The following NEDD9 variants were observed in gnomAD, a reference collection of about 807,000 sequenced individuals.
The protein encoded by NEDD9 is enhancer of filamentation 1.
NEDD9 carries 26 observed loss-of-function variants against 76.6 expected under a neutral mutation model. That is an observed-to-expected ratio of 0.34 (90% confidence interval 0.25 to 0.47). The LOEUF (loss-of-function observed/expected upper bound fraction) is 0.47, where lower values mean the gene tolerates loss of function less well. Among genes scored for constraint, NEDD9 ranks in the 20% least tolerant of loss-of-function variants. The pLI, the probability that NEDD9 is intolerant of heterozygous loss-of-function variation, is 1.00. For synonymous variants in NEDD9, 392 were observed against 414.2 expected (o/e 0.95, Z 0.65); for missense variants, 937 against 1,058.5 (o/e 0.89, Z 1.59).
chr6:11,281,794 C>T (rs1028888313), intron 3 of NEDD9, among the ~76,000 whole-genome samples: 1 of 152,172 alleles, frequency 6.6e-6, no homozygotes, highest in Non-Finnish European at 1.5e-5. Context: ...CGCTCTGTCA[C>T]CCAGGCTGGG....
intron 1 of NEDD9, among the ~76,000 whole-genome samples, chr6:11,337,356 TA>T (rs1453729885): frequency 1.3e-5 from 2 of 152,186 alleles, no homozygotes. Context: ...TATACTATAG[TA>T]AAAACAAACT....
rs2113568456 is a variant in NEDD9, at chr6:11,370,405, G to A, written c.-214+11734C>T. Among the ~76,000 whole-genome samples the A allele has an allele frequency of 6.6e-6, 1 of 152,270 alleles. No individual in the cohort carries two copies. The highest frequency in any genetic ancestry group is 1.9e-4 in the East Asian group (1 of 5,180). On this transcript the variant is annotated intron_variant, in intron 1 of 3. Transcript: ENST00000397378. The surrounding 1 kb of genome is among the most constrained non-coding windows in gnomAD (Gnocchi z 4.2). ...TCCAAATTTGCTTTCCTGAGGAAAAGTCTGCCTTTGCCTACAGCACGCACA... is the reference window on the plus strand; with the variant it reads ...TCCAAATTTGCTTTCCTGAGGAAAAATCTGCCTTTGCCTACAGCACGCACA...
Position 11,229,335 on chromosome 6 carries a change from A to C in NEDD9, c.12+3169T>G, listed in dbSNP as rs374735135. Reference sequence around the variant, plus strand: ...CAAAGCCACAAAAGCGTCTCTGCTCAGCCATTAGCAGCCAGGCCAAGGGGC... The same window carrying C: ...CAAAGCCACAAAAGCGTCTCTGCTCCGCCATTAGCAGCCAGGCCAAGGGGC... On this transcript the variant is annotated intron_variant, in intron 1 of 6. Coordinates refer to ENST00000379446, the MANE Select transcript of NEDD9 (RefSeq NM_006403.4). Among the ~76,000 whole-genome samples the C allele has an allele frequency of 1.0e-3, 157 of 152,366 alleles. 3 individuals carry two copies. The South Asian group carries it at 0.03, about 30-fold the overall frequency.
intron 1 of NEDD9, among the ~76,000 whole-genome samples, chr6:11,359,563 C>G (rs1762639540): frequency 6.6e-6 from 1 of 152,250 alleles, no homozygotes; most frequent in Admixed American, 6.5e-5. Flanking sequence ...ATTCTCTGTA[C>G]AAACTTCACT....
chr6:11,211,314 G>A (rs1404070669), intron 2 of NEDD9, among the ~76,000 whole-genome samples: 1 of 152,180 alleles, frequency 6.6e-6, no homozygotes. Flanking sequence ...CAGATACAAG[G>A]GGAAGAAGTC....
At chr6:11,326,536 A>G (rs1233146195) in intron 2 of NEDD9, among the ~76,000 whole-genome samples, 2 of 152,258 alleles carry the variant, frequency 1.3e-5, no homozygotes, top group Non-Finnish European at 2.9e-5. Context: ...GCCAAAGTCT[A>G]TGAACACCAT....
chr6:11,195,768 G>A (rs1271775823), intron 2 of NEDD9, among the ~76,000 whole-genome samples: 1 of 152,252 alleles, frequency 6.6e-6, no homozygotes, highest in Admixed American at 6.5e-5. Flanking sequence ...GCCAAGGCGG[G>A]AGAATCACCT....
chr6:11,199,637 C>G (rs1324566529), intron 2 of NEDD9: 17 of 43,144 alleles, frequency 3.9e-4, no homozygotes, highest in African/African-American at 1.4e-3. Flanking sequence ...TAGGAAAGAT[C>G]TTTTTTTTTT....
chr6:11,378,492 T>C (rs1213117946), intron 1 of NEDD9, among the ~76,000 whole-genome samples: 3 of 152,078 alleles, frequency 2.0e-5, no homozygotes, highest in Non-Finnish European at 4.4e-5. Context: ...ACCAACCCAG[T>C]GGGCATTGGG....
intron 2 of NEDD9, among the ~76,000 whole-genome samples, chr6:11,312,908 C>T (rs74892413): frequency 0.078 from 11,891 of 152,004 alleles, 598 homozygotes; most frequent in Admixed American, 0.16. Context: ...ATCCCTAAAC[C>T]CAAGCAAAAC....
At chr6:11,224,639 C>T (rs1222033648) in intron 1 of NEDD9, among the ~76,000 whole-genome samples, 2 of 151,992 alleles carry the variant, frequency 1.3e-5, no homozygotes, top group African/African-American at 4.8e-5. Flanking sequence ...AAAAAAATCT[C>T]ATCGACAGAT....
chr6:11,203,332 A>G (rs1758512406), intron 2 of NEDD9, among the ~76,000 whole-genome samples: 2 of 152,238 alleles, frequency 1.3e-5, no homozygotes, highest in South Asian at 4.1e-4. Context: ...TAAATTCAAC[A>G]GGACTCTGAG....
chr6:11,295,323 C>T lies in NEDD9; in HGVS notation c.12+10669G>A, dbSNP rs528770372. Among the ~76,000 whole-genome samples the T allele has an allele frequency of 6.2e-4, 94 of 152,258 alleles. 3 individuals carry two copies. In the South Asian group the frequency reaches 0.017, roughly 28 times the overall value. ...TGCGTTTTATTTTTCTGACTGTTAACCCATTATCAGATGGATGGTTTGCAA... is the reference window on the plus strand; with the variant it reads ...TGCGTTTTATTTTTCTGACTGTTAATCCATTATCAGATGGATGGTTTGCAA... On this transcript the variant is annotated intron_variant, in intron 3 of 3. Coordinates refer to the NEDD9 transcript ENST00000397378.
At chr6:11,188,372 C>A (rs1245152841) in intron 5 of NEDD9, 65 bp from the exon 6 acceptor site, 3 of 1,298,826 alleles carry the variant, frequency 2.3e-6, no homozygotes, top group South Asian at 1.2e-5. Flanking sequence ...CTAACAATTT[C>A]ATTGACGGAT....
chr6:11,275,565 C>CACACATATAT (rs551632582), intron 3 of NEDD9, among the ~76,000 whole-genome samples: 1 of 150,184 alleles, frequency 6.7e-6, no homozygotes, highest in African/African-American at 2.5e-5. Flanking sequence ...CACACACACA[C>CACACATATAT]ATATATATAT....
In NEDD9 at chr6:11,232,511, T is replaced by G. The variant is rs751106801; in HGVS notation, c.5A>C (p.Lys2Thr). ...TAAAAGGCACTCTCTTACCTTATAC[T>G]TCATTTCGGCAGCGGTGGGTTGAGC... M[K>T]YKNLMARALY... The change falls in exon 1 of 7, where the codon AAG (lysine) becomes ACG (threonine). Residue 2 changes from lysine (K) to threonine (T), a missense_variant. Coordinates refer to ENST00000379446, the MANE Select transcript of NEDD9 (RefSeq NM_006403.4). The G allele has an allele frequency of 1.9e-6, 3 of 1,614,226 alleles. No individual in the cohort carries two copies. The highest frequency in any genetic ancestry group is 2.5e-6 in the Non-Finnish European group (3 of 1,180,036).
chr6:11,223,550 C>T (rs1192732251), intron 1 of NEDD9, among the ~76,000 whole-genome samples: 1 of 151,696 alleles, frequency 6.6e-6, no homozygotes, highest in Non-Finnish European at 1.5e-5. Flanking sequence ...CCTGCCACAC[C>T]AAAAAACAGA....
intron 1 of NEDD9, 127 bp downstream of exon 1, chr6:11,232,377 C>A: frequency 8.3e-7 from 1 of 1,200,636 alleles, no homozygotes. Flanking sequence ...ACCTCAGTGA[C>A]CGAGACTCAT....
chr6:11,216,081 C>G (rs746979288), intron 1 of NEDD9, among the ~76,000 whole-genome samples: 2 of 152,202 alleles, frequency 1.3e-5, no homozygotes, highest in Non-Finnish European at 2.9e-5. Context: ...TGAGCTGCTT[C>G]TTGGGGGAAA....
Sources: allele counts gnomAD v4.1 joint callset (sites outside exome capture counted in the v4.1 genomes callset), GRCh38; gene constraint gnomAD v4.1.1; non-coding constraint Gnocchi (gnomAD v3.1); transcripts MANE v1.5; gene names NCBI Gene and HGNC (gene_info 2026-07-23, HGNC 2026-07-21).